FER: variants seen among roughly 807,000 people sequenced by gnomAD.
FER encodes FER tyrosine kinase.
Under a neutral mutation model 111.0 loss-of-function variants are expected in FER, and 63 were observed. That is an observed-to-expected ratio of 0.57 (90% CI 0.46 to 0.70). FER has a LOEUF of 0.70. FER is among the 30% of genes least tolerant of loss of function. FER has a pLI of 0.00. For missense variants in FER, 914 were observed against 954.0 expected (o/e 0.96, Z 0.55); for synonymous variants, 327 against 313.9 (o/e 1.04, Z -0.44).
intron 17 of FER, among the ~76,000 whole-genome samples, chr5:109,110,220 G>T (rs114914494): frequency 1.0e-3 from 153 of 152,096 alleles, no homozygotes; most frequent in African/African-American, 3.1e-3. Context: ...TGGGGAAAGT[G>T]GATAATAAAC....
At position 108,760,907 on chromosome 5, in the gene FER, G is replaced by A. The variant is rs550982522; in HGVS notation, c.-205-7186G>A. ...ACAATGTGGGTGTTTGGTTCAAGAG[G>A]TTCAGCTTATTTTGGCTTTCTTTTC... On this transcript the variant is annotated intron_variant, in intron 1 of 19. Coordinates refer to ENST00000281092, the MANE Select transcript of FER (RefSeq NM_005246.4). 7.9e-5 allele frequency among the ~76,000 whole-genome samples: 12 copies of A among 151,914 alleles called. No homozygotes were observed. The South Asian group carries it at 2.1e-3, about 26-fold the overall frequency.
At chr5:108,792,499 G>A (rs1314589118) in intron 2 of FER, among the ~76,000 whole-genome samples, 2 of 151,710 alleles carry the variant, frequency 1.3e-5, no homozygotes, top group South Asian at 2.1e-4. Flanking sequence ...CACCACGCAC[G>A]GCTAATTTTG....
intron 16 of FER, among the ~76,000 whole-genome samples, chr5:109,048,425 G>A (rs1389709942): frequency 6.6e-6 from 1 of 152,012 alleles, no homozygotes; most frequent in Admixed American, 6.6e-5. Flanking sequence ...GAATAATAAG[G>A]AACGCCACTG....
At chr5:108,909,983 G>GA (rs929583901) in intron 10 of FER, among the ~76,000 whole-genome samples, 1 of 151,756 alleles carries the variant, frequency 6.6e-6, no homozygotes, top group African/African-American at 2.4e-5. Flanking sequence ...TCCTATGTTG[G>GA]AAAATAAACT....
At chr5:108,920,518 C>T (rs181620866) in intron 10 of FER, among the ~76,000 whole-genome samples, 32 of 139,512 alleles carry the variant, frequency 2.3e-4, no homozygotes, top group Non-Finnish European at 4.5e-4. Flanking sequence ...CCACAGTCTT[C>T]TTAGGGTATT....
intron 10 of FER, among the ~76,000 whole-genome samples, chr5:108,903,094 T>C (rs979218971): frequency 6.6e-6 from 1 of 152,190 alleles, no homozygotes; most frequent in African/African-American, 2.4e-5. Flanking sequence ...CATATAATAA[T>C]TTTTGTTGAA....
At chr5:108,944,534 A>G (rs1485414833) in intron 10 of FER, among the ~76,000 whole-genome samples, 1 of 152,120 alleles carries the variant, frequency 6.6e-6, no homozygotes, top group Non-Finnish European at 1.5e-5. Flanking sequence ...AAGTTTTTTA[A>G]TTTTAATTTT....
At chr5:109,077,865 GT>G (rs1776525939) in intron 16 of FER, among the ~76,000 whole-genome samples, 3 of 152,144 alleles carry the variant, frequency 2.0e-5, no homozygotes, top group Non-Finnish European at 2.9e-5. Context: ...CATATAATTA[GT>G]TTTTTTGTAA....
chr5:108,911,153 C>A (rs9885082), intron 10 of FER, among the ~76,000 whole-genome samples: 66,544 of 151,956 alleles, frequency 0.44, 16,698 homozygotes, highest in African/African-American at 0.7. Flanking sequence ...ACTTTTTCAA[C>A]ATAGCCATTC....
chr5:109,074,547 G>T (rs948425843), intron 16 of FER, among the ~76,000 whole-genome samples: 8 of 152,160 alleles, frequency 5.3e-5, no homozygotes, highest in Non-Finnish European at 1.2e-4. Flanking sequence ...CTAAAGCCTG[G>T]AATTCCATAT....
chr5:109,076,009 T>G (rs1470656571), intron 16 of FER, among the ~76,000 whole-genome samples: 3 of 152,130 alleles, frequency 2.0e-5, no homozygotes, highest in African/African-American at 4.8e-5. Context: ...AGAAGCTATT[T>G]CAGGGAACAC....
At chr5:108,881,588 G>A (rs1367783943) in intron 8 of FER, among the ~76,000 whole-genome samples, 1 of 152,146 alleles carries the variant, frequency 6.6e-6, no homozygotes, top group South Asian at 2.1e-4. Context: ...TGAAACAACA[G>A]AAATGATTTC....
chr5:108,950,733 T>G (rs578088757), intron 11 of FER, among the ~76,000 whole-genome samples: 2 of 152,182 alleles, frequency 1.3e-5, no homozygotes, highest in South Asian at 2.1e-4. Context: ...ATATTAAACA[T>G]TTAGTATATC....
At chr5:108,881,294 G>A in intron 8 of FER, among the ~76,000 whole-genome samples, 1 of 152,170 alleles carries the variant, frequency 6.6e-6, no homozygotes, top group East Asian at 1.9e-4. Context: ...TCACAATCAT[G>A]GTAGAAGGCA....
intron 3 of FER, among the ~76,000 whole-genome samples, chr5:108,813,541 G>T (rs1757976280): frequency 6.6e-6 from 1 of 151,914 alleles, no homozygotes; most frequent in Non-Finnish European, 1.5e-5. Flanking sequence ...GTTTAAAGTT[G>T]TCTTACAGTT....
intron 16 of FER, among the ~76,000 whole-genome samples, chr5:109,080,468 TAAAC>T (rs1776859418): frequency 6.6e-6 from 1 of 152,108 alleles, no homozygotes; most frequent in Non-Finnish European, 1.5e-5. Context: ...TGTAAAGAAA[TAAAC>T]AATGCATTAC....
chr5:108,825,904 C>T (rs1374849336), intron 3 of FER, among the ~76,000 whole-genome samples: 1 of 152,192 alleles, frequency 6.6e-6, no homozygotes, highest in African/African-American at 2.4e-5. Context: ...ACTTTTCTTT[C>T]TGATTTGGAT....
intron 16 of FER, 30 bp from the exon 17 acceptor site, chr5:109,100,366 G>A (rs1168143313): frequency 6.2e-7 from 1 of 1,605,534 alleles, no homozygotes; most frequent in East Asian, 2.2e-5. Flanking sequence ...TCATAACTTT[G>A]TCTCATTGTT....
intron 16 of FER, among the ~76,000 whole-genome samples, chr5:109,061,719 TC>T (rs1433367124): frequency 6.6e-6 from 1 of 152,212 alleles, no homozygotes; most frequent in African/African-American, 2.4e-5. Flanking sequence ...TGTTTGAGTT[TC>T]TTTTTTCTCT....
Sources: allele counts gnomAD v4.1 joint callset (sites outside exome capture counted in the v4.1 genomes callset), GRCh38; gene constraint gnomAD v4.1.1; transcripts MANE v1.5; gene names NCBI Gene and HGNC (gene_info 2026-07-23, HGNC 2026-07-21).